NRG1: variants seen among roughly 807,000 people sequenced by gnomAD.
The protein encoded by NRG1 is pro-neuregulin-1, membrane-bound isoform.
Under a neutral mutation model 63.8 loss-of-function variants are expected in NRG1, and 18 were observed. That is an observed-to-expected ratio of 0.28 (90% CI 0.19 to 0.42). NRG1 has a LOEUF of 0.42. NRG1 is among the 10% of genes least tolerant of loss of function. The probability of loss-of-function intolerance (pLI) is 1.00; values close to 1 mark genes in which losing one functional copy is unlikely to be tolerated. For synonymous variants in NRG1, 302 were observed against 301.3 expected (o/e 1.00, Z -0.02); for missense variants, 762 against 814.7 (o/e 0.94, Z 0.79).
chr8:31,725,267 A>G (rs1331643849), intron 1 of NRG1, among the ~76,000 whole-genome samples: 2 of 152,280 alleles, frequency 1.3e-5, no homozygotes, highest in Non-Finnish European at 2.9e-5. Flanking sequence ...TTACTGAGCT[A>G]TCTAGGTGAT....
intron 1 of NRG1, among the ~76,000 whole-genome samples, chr8:31,704,894 ACTTTT>A (rs1251310503): frequency 1.3e-5 from 2 of 151,922 alleles, no homozygotes; most frequent in African/African-American, 2.4e-5. Flanking sequence ...AATTCTGGTG[ACTTTT>A]CTTTAACTCA....
At chr8:32,439,692 CTT>C (rs1397030464) in intron 1 of NRG1, among the ~76,000 whole-genome samples, 1 of 151,608 alleles carries the variant, frequency 6.6e-6, no homozygotes, top group Non-Finnish European at 1.5e-5. Context: ...AAAATTATGT[CTT>C]GAGTTTATAA....
chr8:31,857,831 A>T (rs1828069680), intron 1 of NRG1, among the ~76,000 whole-genome samples: 1 of 152,224 alleles, frequency 6.6e-6, no homozygotes, highest in South Asian at 2.1e-4. Flanking sequence ...CAATGGAGGC[A>T]ACTCACAACA....
At chr8:32,400,737 C>T (rs1047018326) in intron 1 of NRG1, among the ~76,000 whole-genome samples, 6 of 152,146 alleles carry the variant, frequency 3.9e-5, no homozygotes, top group African/African-American at 1.4e-4. Flanking sequence ...GGCGATTCCT[C>T]AAAGAACTTA....
At chr8:32,760,507 A>G (rs1830501248) in intron 11 of NRG1, 101 bp downstream of exon 11, 1 of 1,554,174 alleles carries the variant, frequency 6.4e-7, no homozygotes, top group Non-Finnish European at 8.7e-7. Flanking sequence ...TAATCAGAAT[A>G]AGGGGCGGCA....
intron 1 of NRG1, among the ~76,000 whole-genome samples, chr8:32,554,561 T>TA (rs1563633653): frequency 2.6e-5 from 4 of 152,212 alleles, no homozygotes; most frequent in Non-Finnish European, 5.9e-5. Context: ...CTAAATTTTT[T>TA]TAAAAAAGCC....
At chr8:32,100,198 C>T (rs1585288313) in intron 1 of NRG1, among the ~76,000 whole-genome samples, 1 of 151,678 alleles carries the variant, frequency 6.6e-6, no homozygotes, top group East Asian at 1.9e-4. Context: ...AAAAACAAAA[C>T]AAAACAAAAC....
chr8:32,006,639 G>A (rs1414954688), intron 1 of NRG1, among the ~76,000 whole-genome samples: 1 of 151,986 alleles, frequency 6.6e-6, no homozygotes, highest in African/African-American at 2.4e-5. Context: ...CACATGAGAA[G>A]GAAGGTGGTT....
At position 32,191,109 on chromosome 8, in the gene NRG1, G is replaced by A. The variant is rs547760694; in HGVS notation, c.38-404719G>A. Among the ~76,000 whole-genome samples the A allele has an allele frequency of 6.5e-4, 98 of 150,002 alleles. 1 individual carries two copies. Among genetic ancestry groups the A allele is most frequent in the Middle Eastern group, 6.9e-3 (2 of 288 alleles). On this transcript the variant is annotated intron_variant, in intron 1 of 10. Transcript: ENST00000519301. Reference sequence around the variant, plus strand: ...TTAGATTTTTTTTTTTTTTGAGTTGGAGTCTCACTCTGTCACCCAGGCTAA... The same window carrying A: ...TTAGATTTTTTTTTTTTTTGAGTTGAAGTCTCACTCTGTCACCCAGGCTAA...
At chr8:32,347,221 C>T (rs1489433399) in intron 1 of NRG1, among the ~76,000 whole-genome samples, 1 of 152,120 alleles carries the variant, frequency 6.6e-6, no homozygotes, top group Non-Finnish European at 1.5e-5. Context: ...ACTATAATTT[C>T]CCCACTATAA....
chr8:32,490,218 T>C lies in NRG1; in HGVS notation c.38-105610T>C, dbSNP rs192872874. On this transcript the variant is annotated intron_variant, in intron 1 of 10. Coordinates refer to the NRG1 transcript ENST00000519301. ...TACAGGGGAGTCTGAGGTAGGAGGATTGCTTGAACCCAGGAGTTCAAGGCT... is the reference window on the plus strand; with the variant it reads ...TACAGGGGAGTCTGAGGTAGGAGGACTGCTTGAACCCAGGAGTTCAAGGCT... 1.2e-4 allele frequency among the ~76,000 whole-genome samples: 18 copies of C among 152,122 alleles called. 1 individual carries two copies. The East Asian group carries it at 3.3e-3, about 28-fold the overall frequency.
At chr8:31,662,451 G>A (rs1806088402) in intron 1 of NRG1, among the ~76,000 whole-genome samples, 1 of 152,338 alleles carries the variant, frequency 6.6e-6, no homozygotes, top group Non-Finnish European at 1.5e-5. Context: ...AAAAGATGAA[G>A]AAAAGAATGT....
intron 5 of NRG1, among the ~76,000 whole-genome samples, chr8:32,629,304 C>T (rs1488965167): frequency 1.3e-5 from 2 of 152,130 alleles, no homozygotes; most frequent in Non-Finnish European, 2.9e-5. Flanking sequence ...GAACCACAGT[C>T]TTGCCACTTC....
intron 1 of NRG1, among the ~76,000 whole-genome samples, chr8:32,443,180 A>G (rs1432970831): frequency 6.6e-6 from 1 of 152,100 alleles, no homozygotes; most frequent in Non-Finnish European, 1.5e-5. Context: ...GGTCTCAAGC[A>G]GTTCTCCCAC....
intron 3 of NRG1, among the ~76,000 whole-genome samples, chr8:32,610,090 G>T (rs1846111857): frequency 6.6e-6 from 1 of 151,664 alleles, no homozygotes; most frequent in African/African-American, 2.4e-5. Context: ...TATTTTCTAT[G>T]AACTATCAGT....
At chr8:31,658,777 C>T (rs1805682368) in intron 1 of NRG1, among the ~76,000 whole-genome samples, 2 of 152,124 alleles carry the variant, frequency 1.3e-5, no homozygotes, top group African/African-American at 4.8e-5. Context: ...TAAGTACCTT[C>T]TTAATGTTAA....
intron 1 of NRG1, among the ~76,000 whole-genome samples, chr8:32,286,260 C>A (rs1853505923): frequency 6.6e-6 from 1 of 152,100 alleles, no homozygotes; most frequent in Non-Finnish European, 1.5e-5. Flanking sequence ...TGTTCACAAA[C>A]CTGTGGGTCA....
At chr8:31,850,447 C>A (rs1343554057) in intron 1 of NRG1, among the ~76,000 whole-genome samples, 1 of 152,118 alleles carries the variant, frequency 6.6e-6, no homozygotes, top group Non-Finnish European at 1.5e-5. Flanking sequence ...CCTGAGGGTC[C>A]ATGGCAACTG....
At chr8:31,958,761 T>A (rs1325393151) in intron 1 of NRG1, among the ~76,000 whole-genome samples, 1 of 152,186 alleles carries the variant, frequency 6.6e-6, no homozygotes, top group African/African-American at 2.4e-5. Flanking sequence ...AATTTTAAGT[T>A]TTTCCTATGT....
Sources: gnomAD v4.1 joint callset for allele counts (sites outside exome capture counted in the v4.1 genomes callset) on GRCh38, gnomAD v4.1.1 for gene constraint, MANE v1.5 for transcripts, NCBI Gene and HGNC (gene_info 2026-07-23, HGNC 2026-07-21) for gene names.